RPS6KC1: variants seen among roughly 807,000 people sequenced by gnomAD.
RPS6KC1 encodes the protein ribosomal protein S6 kinase C1, also known as inactive ribosomal protein S6 kinase delta-1.
In RPS6KC1, 54 loss-of-function variants were observed where a neutral mutation model predicts 103.8. That is an observed-to-expected ratio of 0.52 (90% confidence interval 0.42 to 0.65). RPS6KC1 has a LOEUF of 0.65. Among genes scored for constraint, RPS6KC1 ranks in the 30% least tolerant of loss-of-function variants. The pLI, the probability that RPS6KC1 is intolerant of heterozygous loss-of-function variation, is 0.00. For synonymous variants in RPS6KC1, 439 were observed against 438.7 expected, an observed-to-expected ratio of 1.00 and a Z score of -0.01; for missense variants, 1,151 against 1,253.8, an observed-to-expected ratio of 0.92 and a Z score of 1.24.
At chr1:213,316,737 G>A in the RPS6KC1 span, among the ~76,000 whole-genome samples, 1 of 151,602 alleles carries the variant, frequency 6.6e-6, no homozygotes, top group Non-Finnish European at 1.5e-5. Flanking sequence ...GTGTGTGTTG[G>A]AGGGGAGGTC....
the RPS6KC1 span, among the ~76,000 whole-genome samples, chr1:213,835,446 A>G: frequency 6.6e-6 from 1 of 152,172 alleles, no homozygotes; most frequent in Non-Finnish European, 1.5e-5. Context: ...TACGCTGGGG[A>G]TGGAAGGCAG....
At chr1:213,233,168 A>G (rs2094144016) in intron 10 of RPS6KC1, among the ~76,000 whole-genome samples, 1 of 152,148 alleles carries the variant, frequency 6.6e-6, no homozygotes, top group South Asian at 2.1e-4. Flanking sequence ...AACAATTAAT[A>G]TTGTTTATTG....
chr1:213,597,192 G>A, the RPS6KC1 span, among the ~76,000 whole-genome samples: 1 of 152,136 alleles, frequency 6.6e-6, no homozygotes, highest in East Asian at 1.9e-4. Flanking sequence ...AGGTTTAAAG[G>A]GTTCTTTCCC....
chr1:213,703,084 T>C, the RPS6KC1 span, among the ~76,000 whole-genome samples: 2 of 152,162 alleles, frequency 1.3e-5, no homozygotes, highest in African/African-American at 2.4e-5. Flanking sequence ...TTGCTTTTTA[T>C]CTTTTGTGTA....
chr1:213,178,849 G>A (rs1458751592), intron 8 of RPS6KC1, among the ~76,000 whole-genome samples: 1 of 151,916 alleles, frequency 6.6e-6, no homozygotes, highest in Admixed American at 6.5e-5. Flanking sequence ...TGAGTAGCTG[G>A]GATTTATAGG....
At chr1:213,080,205 A>C (rs1165131742) in intron 3 of RPS6KC1, among the ~76,000 whole-genome samples, 3 of 152,168 alleles carry the variant, frequency 2.0e-5, no homozygotes. Context: ...GGCGTGAGCC[A>C]CTGCGCCTGG....
intron 5 of RPS6KC1, among the ~76,000 whole-genome samples, chr1:213,118,233 C>T (rs574187494): frequency 4.6e-5 from 7 of 150,836 alleles, no homozygotes; most frequent in Non-Finnish European, 7.4e-5. Context: ...TTGTTTTATT[C>T]TTCTATTAAG....
intron 2 of RPS6KC1, among the ~76,000 whole-genome samples, chr1:213,074,896 A>G (rs1370740567): frequency 1.8e-5 from 2 of 110,316 alleles, no homozygotes; most frequent in Non-Finnish European, 3.3e-5. Context: ...TCTGTCACCC[A>G]GGCTGGAGTG....
chr1:213,433,158 C>A, the RPS6KC1 span, among the ~76,000 whole-genome samples: 1 of 152,158 alleles, frequency 6.6e-6, no homozygotes, highest in Admixed American at 6.5e-5. Context: ...AGGTTAACCA[C>A]GTTCCTAGCT....
chr1:213,421,285 G>C, the RPS6KC1 span, among the ~76,000 whole-genome samples: 2 of 152,092 alleles, frequency 1.3e-5, 1 homozygote, highest in South Asian at 4.2e-4. Context: ...CTAATTTTTT[G>C]TATTTTTAGT....
At chr1:213,627,588 A>G in the RPS6KC1 span, among the ~76,000 whole-genome samples, 6 of 152,040 alleles carry the variant, frequency 3.9e-5, no homozygotes, top group Admixed American at 1.3e-4. Flanking sequence ...TTATTTTGTG[A>G]TATGTCCCAT....
chr1:213,277,336 G>A (rs77448584), downstream of RPS6KC1, among the ~76,000 whole-genome samples: 2 of 152,184 alleles, frequency 1.3e-5, no homozygotes, highest in African/African-American at 4.8e-5. Context: ...GTTTGGCCTT[G>A]TATTTTTGGT....
At chr1:213,698,297 T>C in the RPS6KC1 span, among the ~76,000 whole-genome samples, 10 of 152,212 alleles carry the variant, frequency 6.6e-5, no homozygotes, top group African/African-American at 2.4e-4. Context: ...CCAAAGTTCA[T>C]TTTTAGTGGT....
chr1:213,079,445 G>T (rs1047591760), intron 3 of RPS6KC1, among the ~76,000 whole-genome samples: 3 of 152,044 alleles, frequency 2.0e-5, no homozygotes, highest in African/African-American at 7.2e-5. Flanking sequence ...TTGAGACAGA[G>T]TATCACTCTG....
chr1:213,776,989 G>A, the RPS6KC1 span, among the ~76,000 whole-genome samples: 1 of 152,104 alleles, frequency 6.6e-6, no homozygotes, highest in African/African-American at 2.4e-5. Flanking sequence ...GCCACTCTCA[G>A]CTTTCATAGA....
At chr1:213,449,234 T>C in the RPS6KC1 span, among the ~76,000 whole-genome samples, 1 of 151,718 alleles carries the variant, frequency 6.6e-6, no homozygotes. Context: ...CAAGCCCCAG[T>C]ACCCACTTAG....
At chr1:213,673,803 C>A in the RPS6KC1 span, among the ~76,000 whole-genome samples, 1 of 152,044 alleles carries the variant, frequency 6.6e-6, no homozygotes, top group African/African-American at 2.4e-5. Context: ...TTATCCCTTT[C>A]TTTTAAAAAA....
the RPS6KC1 span, among the ~76,000 whole-genome samples, chr1:213,323,332 C>T: frequency 2.6e-5 from 4 of 152,020 alleles, no homozygotes; most frequent in Non-Finnish European, 5.9e-5. Flanking sequence ...TTTGTAAGGC[C>T]ATCATTAAGA....
the RPS6KC1 span, among the ~76,000 whole-genome samples, chr1:213,306,723 A>T: frequency 6.6e-6 from 1 of 152,142 alleles, no homozygotes; most frequent in Non-Finnish European, 1.5e-5. Context: ...GTTGAGAAGG[A>T]CTCTACAGCA....
Sources: allele counts gnomAD v4.1 joint callset (sites outside exome capture counted in the v4.1 genomes callset), GRCh38; gene constraint gnomAD v4.1.1; transcripts MANE v1.5; gene names NCBI Gene and HGNC (gene_info 2026-07-23, HGNC 2026-07-21).